NCOA1: variants seen among roughly 807,000 people sequenced by gnomAD.
NCOA1 encodes nuclear receptor coactivator 1.
Under a neutral mutation model 150.9 loss-of-function variants are expected in NCOA1, and 35 were observed. The ratio of observed to expected loss-of-function variants is 0.23; its 90% CI spans 0.18 to 0.31. NCOA1 has a LOEUF of 0.31. NCOA1 is among the 10% of genes least tolerant of loss of function. The pLI, the probability that NCOA1 is intolerant of heterozygous loss-of-function variation, is 1.00. For synonymous variants in NCOA1, 590 were observed against 630.0 expected, an observed-to-expected ratio of 0.94 and a Z score of 0.95; for missense variants, 1,491 against 1,749.3, an observed-to-expected ratio of 0.85 and a Z score of 2.63.
chr2:24,711,160 G>T (rs1223674799), intron 14 of NCOA1, 49 bp downstream of exon 14: 8 of 1,538,178 alleles, frequency 5.2e-6, no homozygotes, highest in Admixed American at 2.0e-5. Context: ...TGATAATGTG[G>T]ATTAGCATTT....
intron 14 of NCOA1, among the ~76,000 whole-genome samples, chr2:24,717,197 T>C (rs1674092447): frequency 6.6e-6 from 1 of 152,222 alleles, no homozygotes; most frequent in Non-Finnish European, 1.5e-5. Flanking sequence ...ATTTTGGCAG[T>C]TTCTTACAAA....
At chr2:24,735,903 ATGGGTAGACCTGC>A (rs1256579911) in intron 17 of NCOA1, among the ~76,000 whole-genome samples, 1 of 152,180 alleles carries the variant, frequency 6.6e-6, no homozygotes, top group African/African-American at 2.4e-5. Context: ...AACAGCAAAA[ATGGGTAGACCTGC>A]TGCTTTTAGA....
At chr2:24,590,308 T>A (rs56278170) in intron 3 of NCOA1, among the ~76,000 whole-genome samples, 2 of 152,230 alleles carry the variant, frequency 1.3e-5, no homozygotes, top group Non-Finnish European at 2.9e-5. Flanking sequence ...CTACTCTCAG[T>A]ACTCCCGTTT....
chr2:24,554,201 A>G (rs1290444607), intron 1 of NCOA1, among the ~76,000 whole-genome samples: 1 of 151,978 alleles, frequency 6.6e-6, no homozygotes, highest in Non-Finnish European at 1.5e-5. Context: ...TTTTCTTCAA[A>G]TTGCTTTGTA....
intron 1 of NCOA1, among the ~76,000 whole-genome samples, chr2:24,492,965 C>CAAAAAA (rs10630950): frequency 0.07 from 10,094 of 144,888 alleles, 399 homozygotes; most frequent in East Asian, 0.11. Context: ...AGGCTAGTCT[C>CAAAAAA]AAAAAAAAAG....
chr2:24,751,634 T>C (rs1421343820), intron 19 of NCOA1, among the ~76,000 whole-genome samples: 1 of 151,802 alleles, frequency 6.6e-6, no homozygotes, highest in Non-Finnish European at 1.5e-5. Context: ...TCATCATGTA[T>C]GTTCATACAT....
At chr2:24,644,350 C>A (rs1447520457) in intron 4 of NCOA1, among the ~76,000 whole-genome samples, 2 of 151,766 alleles carry the variant, frequency 1.3e-5, no homozygotes. Context: ...ATGATGAGAC[C>A]CTCAAAGTCC....
intron 3 of NCOA1, among the ~76,000 whole-genome samples, chr2:24,603,712 T>A (rs1668230737): frequency 6.6e-6 from 1 of 152,360 alleles, no homozygotes; most frequent in South Asian, 2.1e-4. Context: ...CTCTTGCTGT[T>A]TTTACCATAT....
In NCOA1 at chr2:24,707,519, G is replaced by A. The variant is rs931430611; in HGVS notation, c.2049G>A (p.Leu683=). ...GGSCPSSHSS[L]TERHKILHRL... ...CTTGTCCCTCTTCTCATAGCTCATT[G>A]ACAGAACGGCATAAAATTCTACACC... The change falls in exon 13 of 23, where the codon TTG becomes TTA. Residue 683 remains leucine, a synonymous_variant. Transcript: ENST00000348332. 2.5e-6 allele frequency: 4 copies of A among 1,613,980 alleles called. No homozygotes were observed. In the African/African-American group the frequency reaches 5.3e-5, roughly 22 times the overall value.
chr2:24,754,965 A>G (rs996455117), intron 20 of NCOA1, among the ~76,000 whole-genome samples: 2 of 152,104 alleles, frequency 1.3e-5, no homozygotes, highest in African/African-American at 4.8e-5. Flanking sequence ...GTTACCACCA[A>G]CTCTTTAAAC....
intron 1 of NCOA1, among the ~76,000 whole-genome samples, chr2:24,537,316 C>G (rs1293313293): frequency 6.6e-6 from 1 of 151,460 alleles, no homozygotes; most frequent in Non-Finnish European, 1.5e-5. Flanking sequence ...GAAGATCCTG[C>G]CATTTGCCAC....
At chr2:24,625,437 A>G (rs1270829352) in intron 3 of NCOA1, among the ~76,000 whole-genome samples, 1 of 151,566 alleles carries the variant, frequency 6.6e-6, no homozygotes, top group Non-Finnish European at 1.5e-5. Context: ...GGGGATTTAA[A>G]AATTTTGTTG....
rs1237140317 is a variant in NCOA1 at position 24,768,298 on chromosome 2, G to A, written c.4233G>A (p.Gln1411=). 1.2e-6 allele frequency: 2 copies of A among 1,613,906 alleles called. No individual in the cohort carries two copies. The highest frequency in any genetic ancestry group is 1.7e-6 in the Non-Finnish European group (2 of 1,179,968). The stretch of plus-strand genomic sequence containing the variant: ...TAGGCGGGGACCCTTACCTGAACCA[G>A]CCTGGTCCACTGGGAACTCAAAAGC... The part of the protein sequence containing the change: ...NLVGGDPYLN[Q]PGPLGTQKPT... The change falls in exon 23 of 23, where the codon CAG becomes CAA. Residue 1411 remains glutamine, a synonymous_variant. Coordinates refer to ENST00000348332, the MANE Select transcript of NCOA1 (RefSeq NM_003743.5).
intron 3 of NCOA1, among the ~76,000 whole-genome samples, chr2:24,610,580 A>G (rs899305621): frequency 6.6e-6 from 1 of 151,806 alleles, no homozygotes; most frequent in African/African-American, 2.4e-5. Flanking sequence ...AGATTTGCCC[A>G]TTCATTTTTT....
intron 1 of NCOA1, among the ~76,000 whole-genome samples, chr2:24,563,969 C>T (rs1180385546): frequency 6.6e-6 from 1 of 152,128 alleles, no homozygotes; most frequent in Non-Finnish European, 1.5e-5. Flanking sequence ...GATACTCAGG[C>T]TACTGCTGCT....
intron 3 of NCOA1, among the ~76,000 whole-genome samples, chr2:24,623,407 A>G (rs1669264823): frequency 6.6e-6 from 1 of 152,100 alleles, no homozygotes; most frequent in Admixed American, 6.5e-5. Context: ...TTATCAGGGA[A>G]TTTATCTTCT....
At chr2:24,649,949 A>G (rs4665708) in intron 4 of NCOA1, among the ~76,000 whole-genome samples, 6,291 of 152,270 alleles carry the variant, frequency 0.041, 160 homozygotes, top group East Asian at 0.12. Flanking sequence ...TAATAAATTT[A>G]AAAGACTGCA....
intron 21 of NCOA1, among the ~76,000 whole-genome samples, chr2:24,760,957 C>T (rs897768254): frequency 5.9e-5 from 9 of 152,030 alleles, no homozygotes; most frequent in African/African-American, 2.2e-4. Context: ...AAGCAATTCT[C>T]CTGCCTCAGC....
At chr2:24,603,394 C>G (rs1295076205) in intron 3 of NCOA1, among the ~76,000 whole-genome samples, 1 of 152,170 alleles carries the variant, frequency 6.6e-6, no homozygotes, top group Non-Finnish European at 1.5e-5. Flanking sequence ...TTGATTGACT[C>G]TTCCTTTCAC....
Sources: gnomAD v4.1 joint callset for allele counts (sites outside exome capture counted in the v4.1 genomes callset) on GRCh38, gnomAD v4.1.1 for gene constraint, MANE v1.5 for transcripts, NCBI Gene and HGNC (gene_info 2026-07-23, HGNC 2026-07-21) for gene names.